EEF2K: variants seen among roughly 807,000 people sequenced by gnomAD.
The protein encoded by EEF2K is alternative protein EEF2K.
In EEF2K, 70 loss-of-function variants were observed where a neutral mutation model predicts 93.8. The ratio of observed to expected loss-of-function variants is 0.75; its 90% CI spans 0.62 to 0.91. The LOEUF (loss-of-function observed/expected upper bound fraction) is 0.91. Among genes scored for constraint, EEF2K ranks in the 40% least tolerant of loss-of-function variants. EEF2K has a pLI of 0.00. For synonymous variants in EEF2K, 376 were observed against 380.8 expected, an observed-to-expected ratio of 0.99 and a Z score of 0.15; for missense variants, 935 against 972.9, an observed-to-expected ratio of 0.96 and a Z score of 0.52.
At position 22,266,384 on chromosome 16, in the gene EEF2K, C is replaced by T. The variant is rs377066928; in HGVS notation, c.1441-6C>T. ...CTCGCTTCCCTGGCCGGTTCTTTCCCTTCAGGTATGTGTAGAGAAGTGGAA... is the reference window on the plus strand; with the variant it reads ...CTCGCTTCCCTGGCCGGTTCTTTCCTTTCAGGTATGTGTAGAGAAGTGGAA... On this transcript the variant is annotated splice_polypyrimidine_tract_variant and splice_region_variant and intron_variant, in intron 13 of 17. Transcript: ENST00000263026. The T allele has an allele frequency of 7.4e-6, 12 of 1,613,054 alleles. No homozygotes were observed. In the African/African-American group the frequency reaches 1.5e-4, roughly 20 times the overall value.
intron 4 of EEF2K, 90 bp downstream of exon 4, chr16:22,248,905 C>A: frequency 7.7e-7 from 1 of 1,291,488 alleles, no homozygotes; most frequent in South Asian, 1.3e-5. Flanking sequence ...CTCCCACTCC[C>A]ACTTTATTTA....
intron 2 of EEF2K, among the ~76,000 whole-genome samples, chr16:22,243,034 G>A (rs13335849): frequency 0.024 from 3,693 of 151,704 alleles, 159 homozygotes; most frequent in African/African-American, 0.083. Context: ...CTGCACTCCG[G>A]CCTGGGGACA....
rs1370248640 is a variant in EEF2K, at chr16:22,280,329, T to G, written c.2021T>G (p.Met674Arg). Reference protein sequence around the residue: ...RYMMLAREAEMLFTGGYGLEK... With the variant: ...RYMMLAREAERLFTGGYGLEK... ...ATGATGCTGGCCAGGGAGGCCGAGA[T>G]GCTGTTCACAGGAGGCTACGGGCTG... The change falls in exon 17 of 18, where the codon ATG becomes AGG. Residue 674 changes from methionine to arginine, a missense_variant. Coordinates refer to ENST00000263026, the MANE Select transcript of EEF2K (RefSeq NM_013302.5). 1 of 1,605,090 alleles carries G rather than the reference T, an allele frequency of 6.2e-7. No homozygotes were observed. The highest frequency in any genetic ancestry group is 1.1e-5 in the South Asian group (1 of 89,462).
intron 1 of EEF2K, among the ~76,000 whole-genome samples, chr16:22,212,984 AAAAG>A (rs984423248): frequency 1.3e-4 from 20 of 152,038 alleles, no homozygotes; most frequent in African/African-American, 4.3e-4. Context: ...AGTCTCTTAA[AAAAG>A]AAAGAAAGAG....
chr16:22,247,032 C>T (rs1222061035), intron 3 of EEF2K, among the ~76,000 whole-genome samples: 4 of 70,448 alleles, frequency 5.7e-5, no homozygotes, highest in Admixed American at 4.5e-4. Flanking sequence ...AGCGAGACTC[C>T]ATCTCAAAAA....
At chr16:22,252,362 C>T (rs763403351) in intron 6 of EEF2K, among the ~76,000 whole-genome samples, 6 of 152,202 alleles carry the variant, frequency 3.9e-5, no homozygotes, top group Non-Finnish European at 4.4e-5. Context: ...TCTCAGGCAG[C>T]CTCTGCACTA....
intron 2 of EEF2K, among the ~76,000 whole-genome samples, chr16:22,227,518 C>T (rs2047075942): frequency 6.6e-6 from 1 of 152,270 alleles, no homozygotes; most frequent in African/African-American, 2.4e-5. Flanking sequence ...CCACTGCACC[C>T]AGCCTAAAAT....
chr16:22,260,589 C>T lies in EEF2K; in HGVS notation c.1299+60C>T, dbSNP rs940557591. 48 of 1,605,282 alleles carry T rather than the reference C, an allele frequency of 3.0e-5. 1 individual carries two copies. In the South Asian group the frequency reaches 4.8e-4, roughly 16 times the overall value. On this transcript the variant is annotated intron_variant, in intron 11 of 17. Coordinates refer to ENST00000263026, the MANE Select transcript of EEF2K (RefSeq NM_013302.5). Reference sequence around the variant, plus strand: ...ACCCCAGCAGGGGTAGGAGTGGATTCACTCCCAGAGTGAATCTTCAGCTTC... The same window carrying T: ...ACCCCAGCAGGGGTAGGAGTGGATTTACTCCCAGAGTGAATCTTCAGCTTC...
At chr16:22,268,596 A>G (rs1290410234) in intron 15 of EEF2K, among the ~76,000 whole-genome samples, 1 of 151,722 alleles carries the variant, frequency 6.6e-6, no homozygotes, top group Non-Finnish European at 1.5e-5. Flanking sequence ...CCTCCTGAGT[A>G]GCTCGGACTA....
intron 1 of EEF2K, among the ~76,000 whole-genome samples, chr16:22,216,935 G>T (rs2046963135): frequency 6.6e-6 from 1 of 151,972 alleles, no homozygotes; most frequent in Non-Finnish European, 1.5e-5. Context: ...GCTGAGATGG[G>T]TGGATCCCTT....
In EEF2K at chr16:22,284,015, G is replaced by C. The variant is rs1235317836; in HGVS notation, c.*19G>C. 1 of 1,556,728 alleles carries C rather than the reference G, an allele frequency of 6.4e-7. No individual in the cohort carries two copies. Among genetic ancestry groups the C allele is most frequent in the Non-Finnish European group, 8.7e-7 (1 of 1,148,282 alleles). Reference sequence around the variant, plus strand: ...GGAGTAACCAGGAAAATCACTGCCGGCTAGTCCCAAGCAAACGGGCTAGGA... The same window carrying C: ...GGAGTAACCAGGAAAATCACTGCCGCCTAGTCCCAAGCAAACGGGCTAGGA... On this transcript the variant is annotated 3_prime_UTR_variant, in exon 18 of 18. Transcript: ENST00000263026.
chr16:22,270,034 T>G (rs1409426251), intron 15 of EEF2K, among the ~76,000 whole-genome samples: 2 of 151,646 alleles, frequency 1.3e-5, no homozygotes, highest in Admixed American at 1.3e-4. Context: ...CTCAGCTCAC[T>G]GCAACCTCCA....
intron 6 of EEF2K, among the ~76,000 whole-genome samples, chr16:22,255,970 G>T (rs1275543233): frequency 6.6e-6 from 1 of 151,882 alleles, no homozygotes; most frequent in African/African-American, 2.4e-5. Context: ...CTGGAGTGCA[G>T]TGACATGATC....
chr16:22,260,599 G>T, intron 11 of EEF2K, 70 bp downstream of exon 11: 1 of 1,597,160 alleles, frequency 6.3e-7, no homozygotes, highest in South Asian at 1.1e-5. Flanking sequence ...CACTCCCAGA[G>T]TGAATCTTCA....
chr16:22,257,478 A>G (rs1407017376), intron 8 of EEF2K, 93 bp downstream of exon 8: 4 of 1,562,908 alleles, frequency 2.6e-6, no homozygotes, highest in South Asian at 1.2e-5. Flanking sequence ...AGGCTGAGAC[A>G]CTGTACGCGC....
intron 17 of EEF2K, 24 bp from the exon 18 acceptor site, chr16:22,283,863 T>C: frequency 6.4e-7 from 1 of 1,563,196 alleles, no homozygotes; most frequent in Non-Finnish European, 8.7e-7. Context: ...TCACCTCTTT[T>C]TGCCCCCCTT....
chr16:22,268,285 TCTC>T (rs1307410933), intron 15 of EEF2K, among the ~76,000 whole-genome samples: 1 of 151,978 alleles, frequency 6.6e-6, no homozygotes, highest in Non-Finnish European at 1.5e-5. Context: ...TTCAAGCAAT[TCTC>T]CTGCCTCAGA....
At chr16:22,227,938 GA>G (rs917951916) in intron 2 of EEF2K, among the ~76,000 whole-genome samples, 31 of 63,200 alleles carry the variant, frequency 4.9e-4, no homozygotes, top group Middle Eastern at 0.011. Flanking sequence ...CTTTATTAAA[GA>G]AAAAAAAAAA....
intron 17 of EEF2K, among the ~76,000 whole-genome samples, chr16:22,282,123 G>T (rs1352164043): frequency 6.6e-6 from 1 of 152,148 alleles, no homozygotes; most frequent in Non-Finnish European, 1.5e-5. Flanking sequence ...AATTAACTGA[G>T]TGTGGTGGCA....
Sources: allele counts gnomAD v4.1 joint callset (sites outside exome capture counted in the v4.1 genomes callset), GRCh38; gene constraint gnomAD v4.1.1; transcripts MANE v1.5; gene names NCBI Gene and HGNC (gene_info 2026-07-23, HGNC 2026-07-21).